The following ZNF469 variants were observed in gnomAD, a reference collection of about 807,000 sequenced individuals.
ZNF469 encodes zinc finger protein 469.
A neutral mutation model predicts 1.0 loss-of-function variants in ZNF469; 1 was observed. The ratio of observed to expected loss-of-function variants is 1.00; its 90% CI spans 0.35 to 4.73. ZNF469 has a LOEUF of 4.73. Ranked by LOEUF, ZNF469 falls within the 30% of genes most tolerant of loss-of-function variation. ZNF469 has a pLI of 0.16. For synonymous variants in ZNF469, 2,703 were observed against 2,363.4 expected, an observed-to-expected ratio of 1.14 and a Z score of -4.17; for missense variants, 6,100 against 5,356.3, an observed-to-expected ratio of 1.14 and a Z score of -4.33.
chr16:88,325,870 G>C, the ZNF469 span, among the ~76,000 whole-genome samples: 1 of 152,204 alleles, frequency 6.6e-6, no homozygotes, highest in Non-Finnish European at 1.5e-5. Flanking sequence ...AGAAGGATCG[G>C]TGCTCTGCCC....
the ZNF469 span, among the ~76,000 whole-genome samples, chr16:88,310,636 G>A: frequency 2.0e-5 from 3 of 151,516 alleles, no homozygotes; most frequent in Non-Finnish European, 2.9e-5. Flanking sequence ...AGGCTGGAGT[G>A]CAGCAGCGCG....
At chr16:88,378,422 C>T (rs150487921), upstream of ZNF469, among the ~76,000 whole-genome samples, 1 of 152,322 alleles carries the variant, frequency 6.6e-6, no homozygotes, top group African/African-American at 2.4e-5. Context: ...GCCCCGTGAT[C>T]GCTGTCCTCT....
chr16:88,189,717 G>C, the ZNF469 span, among the ~76,000 whole-genome samples: 1 of 152,116 alleles, frequency 6.6e-6, no homozygotes, highest in Admixed American at 6.5e-5. This position sits in a 1 kb window ranked among gnomAD's most constrained non-coding sequence, Gnocchi z 4.3. Flanking sequence ...GTCAGGAGTT[G>C]GAGACCAGCC....
chr16:88,332,610 G>A, the ZNF469 span, among the ~76,000 whole-genome samples: 2 of 152,244 alleles, frequency 1.3e-5, no homozygotes, highest in African/African-American at 2.4e-5. Context: ...CAGCCACCTG[G>A]CATAGGCCAT....
chr16:88,302,752 G>T, the ZNF469 span, among the ~76,000 whole-genome samples: 2 of 152,148 alleles, frequency 1.3e-5, no homozygotes, highest in Admixed American at 1.3e-4. Context: ...GCTCTGTAGG[G>T]CCCTGCATCT....
chr16:88,343,063 C>T, the ZNF469 span, among the ~76,000 whole-genome samples: 4 of 152,162 alleles, frequency 2.6e-5, no homozygotes, highest in Non-Finnish European at 5.9e-5. Context: ...GAAGCATAGG[C>T]GTCCTGTCTC....
the ZNF469 span, among the ~76,000 whole-genome samples, chr16:88,364,686 G>T: frequency 2.6e-5 from 4 of 152,152 alleles, no homozygotes; most frequent in Admixed American, 1.3e-4. Context: ...TGTATAGACT[G>T]GGCGCAGTGA....
chr16:88,387,642 G>A (rs1049698177), intron 1 of ZNF469, among the ~76,000 whole-genome samples: 2 of 152,154 alleles, frequency 1.3e-5, no homozygotes, highest in Admixed American at 1.3e-4. Flanking sequence ...CTGAAAGGGA[G>A]CTGGCCTTGG....
At chr16:88,195,463 T>C in the ZNF469 span, among the ~76,000 whole-genome samples, 1 of 152,268 alleles carries the variant, frequency 6.6e-6, no homozygotes. Context: ...GAGGATTTTC[T>C]GGGGGAACAG....
At chr16:88,102,738 G>T in the ZNF469 span, among the ~76,000 whole-genome samples, 1 of 152,228 alleles carries the variant, frequency 6.6e-6, no homozygotes, top group Non-Finnish European at 1.5e-5. Flanking sequence ...CTGTGAAAGA[G>T]GAGAAACCCT....
chr16:88,434,233 G>T lies in ZNF469; in HGVS notation c.6763G>T (p.Asp2255Tyr), dbSNP rs576769267. ...AGACAGCACTTTAAGAATTCCAGAG[G>T]ATTCCAGAAAAGAGAAGCTGTGGGA... ...PKDSTLRIPE[D>Y]SRKEKLWESP... is the part of the protein sequence containing the mutation. The change falls in exon 3 of 3, where the codon GAT becomes TAT. Residue 2255 changes from aspartate to tyrosine, a missense_variant. Physicochemically the swap from Asp to Tyr is radical, Grantham distance 160 (BLOSUM62 -3). Transcript: ENST00000565624. 37 of 1,550,352 alleles carry T rather than the reference G, an allele frequency of 2.4e-5. No individual in the cohort carries two copies. The East Asian group carries it at 8.6e-4, about 36-fold the overall frequency.
At chr16:88,232,958 T>G in the ZNF469 span, among the ~76,000 whole-genome samples, 1 of 152,302 alleles carries the variant, frequency 6.6e-6, no homozygotes, top group Non-Finnish European at 1.5e-5. Flanking sequence ...CATGGCCACC[T>G]CCAGCCGGGT....
the ZNF469 span, among the ~76,000 whole-genome samples, chr16:88,316,005 G>A: frequency 2.0e-5 from 3 of 152,206 alleles, no homozygotes; most frequent in Non-Finnish European, 4.4e-5. Flanking sequence ...CTGTGATCAC[G>A]GCCATGCACC....
the ZNF469 span, among the ~76,000 whole-genome samples, chr16:88,335,038 A>G: frequency 6.6e-6 from 1 of 152,248 alleles, no homozygotes; most frequent in Non-Finnish European, 1.5e-5. Context: ...CAGGGGAGCC[A>G]TGCAGCCACT....
the ZNF469 span, among the ~76,000 whole-genome samples, chr16:88,106,694 C>G: frequency 6.6e-6 from 1 of 152,252 alleles, no homozygotes; most frequent in South Asian, 2.1e-4. Context: ...CATGGCTGCT[C>G]TTGGTCCCAG....
chr16:88,185,534 C>G, the ZNF469 span, among the ~76,000 whole-genome samples: 7 of 149,326 alleles, frequency 4.7e-5, no homozygotes, highest in South Asian at 2.1e-4. Context: ...TGACCAGACC[C>G]ACACCCACTC....
chr16:88,367,427 C>G, the ZNF469 span, among the ~76,000 whole-genome samples: 997 of 152,304 alleles, frequency 6.5e-3, 14 homozygotes, highest in African/African-American at 0.021. Context: ...CCAAAGCCTT[C>G]CTTCCCCTGC....
chr16:88,416,218 C>T (rs903492395), intron 1 of ZNF469, among the ~76,000 whole-genome samples: 8 of 152,154 alleles, frequency 5.3e-5, no homozygotes, highest in African/African-American at 1.4e-4. Context: ...TCATCGGTCC[C>T]GGTTTCTCAT....
the ZNF469 span, among the ~76,000 whole-genome samples, chr16:88,129,327 G>A: frequency 6.6e-6 from 1 of 152,338 alleles, no homozygotes; most frequent in East Asian, 1.9e-4. Context: ...GGTCTGGCGG[G>A]CAGGAGGTCC....
Sources: allele counts gnomAD v4.1 joint callset (sites outside exome capture counted in the v4.1 genomes callset), GRCh38; gene constraint gnomAD v4.1.1; non-coding constraint Gnocchi (gnomAD v3.1); transcripts MANE v1.5; gene names NCBI Gene and HGNC (gene_info 2026-07-23, HGNC 2026-07-21).